Variants in MSRA observed in about 807,000 individuals in gnomAD.
MSRA encodes methionine sulfoxide reductase A.
Under a neutral mutation model 31.3 loss-of-function variants are expected in MSRA, and 54 were observed. The observed-to-expected ratio is 1.73, with a 90% CI of 1.39 to 2.17. The LOEUF is 2.17. Ranked by LOEUF, MSRA falls within the 30% of genes most tolerant of loss-of-function variation. MSRA has a pLI of 0.00. For missense variants in MSRA, 507 were observed against 300.9 expected (o/e 1.69, Z -5.07); for synonymous variants, 169 against 116.5 (o/e 1.45, Z -2.90).
chr8:10,079,623 C>T lies in MSRA; in HGVS notation c.142+24965C>T, dbSNP rs572038530. On this transcript the variant is annotated intron_variant, in intron 1 of 5. Transcript: ENST00000317173. ...GAAGCTTTGGATCTCTTTCCTTCCC[C>T]GCAGTGTCCCTCCCCGCACAACATA... Among the ~76,000 whole-genome samples, 4 of 152,320 alleles carry T rather than the reference C, an allele frequency of 2.6e-5. No homozygotes were observed. In the South Asian group the frequency reaches 6.2e-4, roughly 24 times the overall value.
chr8:10,204,310 G>A (rs1236437032), intron 1 of MSRA, among the ~76,000 whole-genome samples: 2 of 152,230 alleles, frequency 1.3e-5, no homozygotes, highest in African/African-American at 4.8e-5. Flanking sequence ...CCGTGGTAGT[G>A]TTCAGTAATG....
At chr8:10,393,127 C>T (rs1047715201) in intron 5 of MSRA, among the ~76,000 whole-genome samples, 1 of 149,138 alleles carries the variant, frequency 6.7e-6, no homozygotes, top group African/African-American at 2.5e-5. Flanking sequence ...GAGAAAAGAA[C>T]CACTTTGTCC....
intron 1 of MSRA, among the ~76,000 whole-genome samples, chr8:10,112,876 C>T (rs1265657646): frequency 6.6e-6 from 1 of 152,134 alleles, no homozygotes; most frequent in Admixed American, 6.5e-5. Context: ...CACCCTTGAA[C>T]TTTTATGGCT....
intron 1 of MSRA, among the ~76,000 whole-genome samples, chr8:10,084,341 C>T (rs1196863563): frequency 1.3e-5 from 2 of 152,254 alleles, no homozygotes; most frequent in Non-Finnish European, 2.9e-5. Flanking sequence ...CTGCTGCCTG[C>T]AGCTAACGAC....
rs558777039 is a variant in MSRA, at chr8:10,289,204, C to T, written c.332-12330C>T. ...CTAATTTTTGTATTTTTAGTAGAGA[C>T]GGATTTCACCATGTTGGCCAGGATG... is the stretch of plus-strand genomic sequence containing the variant. On this transcript the variant is annotated intron_variant, in intron 3 of 5. Coordinates refer to ENST00000317173, the MANE Select transcript of MSRA (RefSeq NM_012331.5). Among the ~76,000 whole-genome samples, 42 of 151,898 alleles carry T rather than the reference C, an allele frequency of 2.8e-4. No homozygotes were observed. The East Asian group carries it at 7.4e-3, about 27-fold the overall frequency.
At chr8:10,304,777 G>A (rs1488538189) in intron 4 of MSRA, among the ~76,000 whole-genome samples, 2 of 152,204 alleles carry the variant, frequency 1.3e-5, no homozygotes, top group African/African-American at 4.8e-5. Flanking sequence ...TGAGGGTGGT[G>A]AAGATATGTA....
At position 10,390,979 on chromosome 8, in the gene MSRA, GA is replaced by G. The variant is rs58263674; in HGVS notation, c.544-37155del. On this transcript the variant is annotated intron_variant, in intron 5 of 5. Coordinates refer to ENST00000317173, the MANE Select transcript of MSRA (RefSeq NM_012331.5). ...CGATAAGTGAGACTCTGTCTCAAAA[GA>G]AAAAAAAAAAAAACAGCACAAGGTG... Among the ~76,000 whole-genome samples, 109 of 138,674 alleles carry G rather than the reference GA, an allele frequency of 7.9e-4. 1 individual carries two copies. The highest frequency in any genetic ancestry group is 5.0e-3 in the East Asian group (21 of 4,172). The allele number at this position is 138,674 out of a possible 152,430, so 91.0% of individuals were successfully genotyped here. A position where few individuals can be genotyped will look rare whatever the true frequency, so the allele number is the denominator to read the frequency against.
At chr8:10,316,136 T>C (rs1271553835) in intron 4 of MSRA, among the ~76,000 whole-genome samples, 1 of 152,192 alleles carries the variant, frequency 6.6e-6, no homozygotes, top group Non-Finnish European at 1.5e-5. Context: ...GCAAAGAACA[T>C]TGTGCAGGTG....
intron 1 of MSRA, among the ~76,000 whole-genome samples, chr8:10,101,213 C>A (rs1327711058): frequency 6.6e-6 from 1 of 152,084 alleles, no homozygotes; most frequent in African/African-American, 2.4e-5. Flanking sequence ...TCTTCATCTG[C>A]AGAACAGGGA....
intron 1 of MSRA, among the ~76,000 whole-genome samples, chr8:10,088,899 A>G (rs938149591): frequency 6.6e-6 from 1 of 152,260 alleles, no homozygotes; most frequent in Non-Finnish European, 1.5e-5. Flanking sequence ...GAAATATTAC[A>G]TAATCTCACT....
chr8:10,310,128 C>T (rs979559382), intron 4 of MSRA, among the ~76,000 whole-genome samples: 3 of 152,134 alleles, frequency 2.0e-5, no homozygotes, highest in African/African-American at 4.8e-5. Flanking sequence ...AAGGACTATC[C>T]TTTTTTAGAC....
chr8:10,296,542 C>G (rs1408684202), intron 3 of MSRA, among the ~76,000 whole-genome samples: 1 of 152,184 alleles, frequency 6.6e-6, no homozygotes, highest in Non-Finnish European at 1.5e-5. Context: ...TAAGCTACTT[C>G]TTGTGACTTC....
chr8:10,253,986 G>C (rs996811530), intron 3 of MSRA, among the ~76,000 whole-genome samples: 3 of 152,176 alleles, frequency 2.0e-5, no homozygotes, highest in African/African-American at 7.2e-5. Context: ...CGTGAGCGGA[G>C]CGGCTTGGGA....
Position 10,317,215 on chromosome 8 carries a change from G to A in MSRA, c.437-2668G>A, listed in dbSNP as rs577822361. 2.6e-5 allele frequency among the ~76,000 whole-genome samples: 4 copies of A among 152,248 alleles called. No homozygotes were observed. The South Asian group carries it at 6.2e-4, about 24-fold the overall frequency. On this transcript the variant is annotated intron_variant, in intron 4 of 5. Transcript: ENST00000317173. ...CTTGTCCTGATGTTCACTGTCAGCC[G>A]GTAACTCCTGGGACCTCGTAAAGTG...
chr8:10,290,949 C>G (rs4840472), intron 3 of MSRA, among the ~76,000 whole-genome samples: 12,377 of 152,224 alleles, frequency 0.081, 897 homozygotes, highest in Admixed American at 0.21. Context: ...AAAATGGGCA[C>G]AGGTCCTTTT....
chr8:10,088,081 G>A (rs190558780), intron 1 of MSRA, among the ~76,000 whole-genome samples: 3 of 152,160 alleles, frequency 2.0e-5, no homozygotes, highest in African/African-American at 7.2e-5. Flanking sequence ...TTGGAAGGAA[G>A]TTTGAAAAAC....
At chr8:10,402,051 T>C (rs1338226647) in intron 5 of MSRA, among the ~76,000 whole-genome samples, 1 of 152,222 alleles carries the variant, frequency 6.6e-6, no homozygotes, top group African/African-American at 2.4e-5. Context: ...GTAAATATTA[T>C]GTTACATATA....
chr8:10,174,462 G>C (rs936639924), intron 1 of MSRA, among the ~76,000 whole-genome samples: 1 of 152,108 alleles, frequency 6.6e-6, no homozygotes, highest in African/African-American at 2.4e-5. Context: ...CTTGGGTCTT[G>C]TGGCACTGTC....
intron 1 of MSRA, among the ~76,000 whole-genome samples, chr8:10,193,954 A>G (rs995003239): frequency 2.6e-5 from 4 of 152,246 alleles, no homozygotes; most frequent in Non-Finnish European, 4.4e-5. Flanking sequence ...AGGGAAATAT[A>G]TAACATTCCA....
Sources: gnomAD v4.1 joint callset for allele counts (sites outside exome capture counted in the v4.1 genomes callset) on GRCh38, gnomAD v4.1.1 for gene constraint, MANE v1.5 for transcripts, NCBI Gene and HGNC (gene_info 2026-07-23, HGNC 2026-07-21) for gene names.